The following CARMIL3 variants were observed in gnomAD, a reference collection of about 807,000 sequenced individuals.
The protein encoded by CARMIL3 is capping protein regulator and myosin 1 linker 3.
A neutral mutation model predicts 180.8 loss-of-function variants in CARMIL3; 88 were observed. The observed-to-expected ratio is 0.49, with a 90% CI of 0.41 to 0.58. The LOEUF (loss-of-function observed/expected upper bound fraction) is 0.58. Among genes scored for constraint, CARMIL3 ranks in the 20% least tolerant of loss-of-function variants. The pLI is 0.00. For missense variants in CARMIL3, 1,548 were observed against 1,787.0 expected (o/e 0.87, Z 2.41); for synonymous variants, 696 against 714.5 (o/e 0.97, Z 0.41).
chr14:24,065,509 G>T, intron 33 of CARMIL3, 113 bp from the exon 34 acceptor site: 1 of 1,455,540 alleles, frequency 6.9e-7, no homozygotes, highest in Non-Finnish European at 9.2e-7. Flanking sequence ...TCTCTGCAGG[G>T]CTTCCCCGTG....
intron 36 of CARMIL3, among the ~76,000 whole-genome samples, chr14:24,067,061 T>G (rs2035794435): frequency 6.6e-6 from 1 of 152,186 alleles, no homozygotes; most frequent in South Asian, 2.1e-4. Context: ...CCACCTCAGA[T>G]TCCAGCCTCC....
At chr14:24,052,744 G>T (rs2035630349) in intron 1 of CARMIL3, among the ~76,000 whole-genome samples, 1 of 152,236 alleles carries the variant, frequency 6.6e-6, no homozygotes, top group Non-Finnish European at 1.5e-5. Context: ...AAGAGCAGGA[G>T]GGTCTCTGAG....
intron 31 of CARMIL3, 29 bp from the exon 32 acceptor site, chr14:24,064,217 G>T (rs763746777): frequency 1.3e-6 from 2 of 1,557,166 alleles, no homozygotes; most frequent in South Asian, 2.3e-5. Context: ...ACCTAGATGA[G>T]ATGTCCCACG....
chr14:24,065,490 T>C (rs2035777348), intron 33 of CARMIL3, 132 bp from the exon 34 acceptor site: 3 of 1,369,504 alleles, frequency 2.2e-6, no homozygotes, highest in Non-Finnish European at 3.0e-6. Context: ...GGAAGGACTC[T>C]TCAGAGGGTC....
chr14:24,066,756 G>A (rs1345134132), intron 36 of CARMIL3, 100 bp downstream of exon 36: 2 of 1,234,408 alleles, frequency 1.6e-6, no homozygotes, highest in East Asian at 2.4e-5. Context: ...TATGGCCAAG[G>A]TGGGGCAGTG....
At position 24,065,689 on chromosome 14, in the gene CARMIL3, A is replaced by G. The variant is rs1193207889; in HGVS notation, c.3464A>G (p.His1155Arg). 1.2e-6 allele frequency: 2 copies of G among 1,613,972 alleles called. No individual in the cohort carries two copies. Among genetic ancestry groups the G allele is most frequent in the African/African-American group, 2.7e-5 (2 of 74,914 alleles). The change falls in exon 34 of 40, where the codon CAC becomes CGC. Residue 1155 changes from histidine (H) to arginine (R), a missense_variant. Physicochemically the swap from His to Arg is conservative, Grantham distance 29 (BLOSUM62 0). Coordinates refer to ENST00000342740, the MANE Select transcript of CARMIL3 (RefSeq NM_138360.4). Reference protein sequence around the residue: ...APGTAQQPRVHGVALPGLERA... With the variant: ...APGTAQQPRVRGVALPGLERA... The stretch of plus-strand genomic sequence containing the variant: ...GGGACAGCACAGCAGCCAAGGGTTC[A>G]CGGTGTTGCCCTTCCCGGGTTGGAA...
rs1252080681 is a variant in CARMIL3 at position 24,056,326 on chromosome 14, G to T, written c.798G>T (p.Val266=). The change falls in exon 11 of 40, where the codon GTG becomes GTT. Residue 266 remains valine (V), a synonymous_variant. Transcript: ENST00000342740. ...KTDFVQKLAG[V]FGENGSCVLH... The stretch of plus-strand genomic sequence containing the variant: ...ACTTTGTCCAGAAGCTGGCCGGGGT[G>T]TTTGGGGAGAACGGGAGCTGTGTGC... 1 of 1,613,924 alleles carries T rather than the reference G, an allele frequency of 6.2e-7. No homozygotes were observed. The highest frequency in any genetic ancestry group is 8.5e-7 in the Non-Finnish European group (1 of 1,179,940).
In CARMIL3 at chr14:24,066,465, G is replaced by A. The variant is rs771871913; in HGVS notation, c.3592+1G>A. 6.2e-7 allele frequency: 1 copy of A among 1,614,182 alleles called. No individual in the cohort carries two copies. The highest frequency in any genetic ancestry group is 8.5e-7 in the Non-Finnish European group (1 of 1,180,034). On this transcript the variant is annotated splice_donor_variant, in intron 35 of 39. Coordinates refer to ENST00000342740, the MANE Select transcript of CARMIL3 (RefSeq NM_138360.4). LOFTEE classifies it high-confidence loss of function. ...AAACGGCGCTCTTCAGACGACGCAG[G>A]TAAGAACAGTCACATTCAAAGCCCT...
Position 24,055,765 on chromosome 14 carries a change from T to G in CARMIL3, c.746T>G (p.Val249Gly), listed in dbSNP as rs1469204596. The stretch of plus-strand genomic sequence containing the variant: ...AAGTCGGGGAGCCTCGAAGAGCTGG[T>G]GCTGGACAACGCCGGGCTTAAGACG... ...LSKSGSLEEL[V>G]LDNAGLKTDF... Residue 249 changes from valine to glycine, a missense_variant, in exon 10 of 40, where the codon GTG becomes GGG. Coordinates refer to ENST00000342740, the MANE Select transcript of CARMIL3 (RefSeq NM_138360.4). 1 of 1,614,072 alleles carries G rather than the reference T, an allele frequency of 6.2e-7. No individual in the cohort carries two copies. The highest frequency in any genetic ancestry group is 8.5e-7 in the Non-Finnish European group (1 of 1,179,980).
intron 14 of CARMIL3, 42 bp downstream of exon 14, chr14:24,057,286 G>A (rs768124610): frequency 5.0e-6 from 8 of 1,590,180 alleles, no homozygotes; most frequent in Non-Finnish European, 6.9e-6. Flanking sequence ...GGTGATTTGG[G>A]GAAGACCACA....
chr14:24,068,665 T>A lies in CARMIL3; in HGVS notation c.3764T>A (p.Leu1255His), dbSNP rs1285711819. ...GGGGAAGAGGAGAAGGAGGGGACCC[T>A]CTTCCCAGAGAGGACACTTCCAGCT... ...QDGEEEKEGT[L>H]FPERTLPARN... Residue 1255 changes from leucine (L) to histidine (H), a missense_variant, in exon 37 of 40, where the codon CTC becomes CAC. Leu to His is a moderately conservative substitution (Grantham distance 99). Around this residue, in one of 4 missense-constraint regions of CARMIL3, gnomAD observed 668 missense variants for 687.8 expected, o/e 0.97. Transcript: ENST00000342740. 1 of 1,613,890 alleles carries A rather than the reference T, an allele frequency of 6.2e-7. No individual in the cohort carries two copies.
Position 24,063,115 on chromosome 14 carries a change from T to C in CARMIL3, c.2707-5T>C. ...TGGCCCTGCCACTCGTCTTCATTTC[T>C]GCAGGACACCATGGCCATCAAAAAG... On this transcript the variant is annotated splice_polypyrimidine_tract_variant and splice_region_variant and intron_variant, in intron 29 of 39. Transcript: ENST00000342740. 2 of 1,612,074 alleles carry C rather than the reference T, an allele frequency of 1.2e-6. No individual in the cohort carries two copies. The highest frequency in any genetic ancestry group is 1.7e-6 in the Non-Finnish European group (2 of 1,178,250).
At chr14:24,053,324 C>T (rs1406900953) in intron 1 of CARMIL3, among the ~76,000 whole-genome samples, 1 of 152,106 alleles carries the variant, frequency 6.6e-6, no homozygotes, top group Non-Finnish European at 1.5e-5. Flanking sequence ...GTCAAAGGGA[C>T]ACCCCACACC....
chr14:24,055,828 G>C, intron 10 of CARMIL3, 39 bp downstream of exon 10: 1 of 1,583,086 alleles, frequency 6.3e-7, no homozygotes, highest in East Asian at 2.2e-5. Context: ...GTGCACCCTT[G>C]ATGTAGTTTT....
At chr14:24,062,137 C>T in intron 27 of CARMIL3, 1 of 411,812 alleles carries the variant, frequency 2.4e-6, no homozygotes, top group South Asian at 3.1e-5. Context: ...CCTACCCTCA[C>T]AGTAGCAACT....
In CARMIL3 at chr14:24,058,911, C is replaced by T. The variant is rs1256854220; in HGVS notation, c.1496C>T (p.Thr499Ile). 5.6e-6 allele frequency: 9 copies of T among 1,614,132 alleles called. No homozygotes were observed. The highest frequency in any genetic ancestry group is 1.3e-5 in the African/African-American group (1 of 74,942). Residue 499 changes from threonine (T) to isoleucine (I), a missense_variant, in exon 19 of 40, where the codon ACA (threonine) becomes ATA (isoleucine). Coordinates refer to ENST00000342740, the MANE Select transcript of CARMIL3 (RefSeq NM_138360.4). This position sits in a 1 kb window ranked among gnomAD's most constrained non-coding sequence, Gnocchi z 6.4. ...CCAGGGTTCGACTCGGACCTCCTGA[C>T]ACTGGTGCCTGCACTTGGCAAGAAC... ...SDNGFDSDLL[T>I]LVPALGKNKS...
In CARMIL3 at chr14:24,055,115, C is replaced by T. The variant is rs774654357; in HGVS notation, c.510C>T (p.His170=). Residue 170 remains histidine, a synonymous_variant, in exon 7 of 40, where the codon CAC becomes CAT. Coordinates refer to ENST00000342740, the MANE Select transcript of CARMIL3 (RefSeq NM_138360.4). ...CTCTGTGTGACTACAATGGGCTACA[C>T]TGCCGTGAGGAGGTTCAATGGGTAT... ...YAALCDYNGL[H]CREEVQWDVD... The T allele has an allele frequency of 1.9e-6, 3 of 1,613,968 alleles. No individual in the cohort carries two copies. The highest frequency in any genetic ancestry group is 1.7e-6 in the Non-Finnish European group (2 of 1,180,020).
Position 24,059,420 on chromosome 14 carries a change from C to G in CARMIL3, c.1777C>G (p.Leu593Val), listed in dbSNP as rs1319297736. 1.9e-6 allele frequency: 3 copies of G among 1,586,640 alleles called. No homozygotes were observed. Among genetic ancestry groups the G allele is most frequent in the Admixed American group, 3.6e-5 (2 of 55,682 alleles). The part of the protein sequence containing the change: ...DIGAKMLSKA[L>V]QINSSLRTIL... ...CGGGGCCAAGATGCTGTCTAAGGCC[C>G]TGCAGATAAACTCCTCCCTCAGGTG... Residue 593 changes from leucine (L) to valine (V), a missense_variant, in exon 21 of 40, where the codon CTG (leucine) becomes GTG (valine). Transcript: ENST00000342740. This position sits in a 1 kb window ranked among gnomAD's most constrained non-coding sequence, Gnocchi z 6.3.
intron 6 of CARMIL3, 37 bp from the exon 7 acceptor site, chr14:24,055,029 T>G (rs1281466056): frequency 1.2e-5 from 19 of 1,607,626 alleles, no homozygotes; most frequent in East Asian, 2.2e-5. Context: ...CCCCATCTCC[T>G]TACCCTCATG....
Sources: gnomAD v4.1 joint callset for allele counts (sites outside exome capture counted in the v4.1 genomes callset) on GRCh38, gnomAD v4.1.1 for gene constraint, gnomAD v4.1.1 regional missense constraint, Gnocchi (gnomAD v3.1) non-coding constraint, MANE v1.5 for transcripts, NCBI Gene and HGNC (gene_info 2026-07-23, HGNC 2026-07-21) for gene names.